Variants in TMC3 observed in about 807,000 individuals in gnomAD.
The protein encoded by TMC3 is transmembrane channel-like protein 3.
TMC3 carries 98 observed loss-of-function variants against 110.6 expected under a neutral mutation model. The ratio of observed to expected loss-of-function variants is 0.89; its 90% CI spans 0.75 to 1.05. The LOEUF is 1.05. Ranked by LOEUF, TMC3 falls within the 50% of genes least tolerant of loss-of-function variation. TMC3 has a pLI of 0.00. For missense variants in TMC3, 1,319 were observed against 1,373.2 expected (o/e 0.96, Z 0.62); for synonymous variants, 489 against 513.1 (o/e 0.95, Z 0.63).
chr15:81,332,488 G>T lies in TMC3; in HGVS notation c.3234C>A (p.Ser1078Arg), dbSNP rs374060694. The T allele has an allele frequency of 3.1e-6, 5 of 1,613,160 alleles. No individual in the cohort carries two copies. Among genetic ancestry groups the T allele is most frequent in the Non-Finnish European group, 4.2e-6 (5 of 1,179,578 alleles). The part of the protein sequence containing the change: ...GRFPRSVGQP[S>R]RRKAKSGQEL... Reference sequence around the variant, plus strand: ...CCTGCCCCGACTTGGCCTTCCTCCTGCTGGGCTGGCCCACGGACCTCGGGA... The same window carrying T: ...CCTGCCCCGACTTGGCCTTCCTCCTTCTGGGCTGGCCCACGGACCTCGGGA... The change falls in exon 22 of 22, where the codon AGC (serine) becomes AGA (arginine). Residue 1078 changes from serine (S) to arginine (R), a missense_variant. Transcript: ENST00000359440.
chr15:81,345,234 G>T (rs1443096018), intron 12 of TMC3, among the ~76,000 whole-genome samples: 2 of 152,082 alleles, frequency 1.3e-5, no homozygotes, highest in African/African-American at 2.4e-5. Context: ...CCCTAGTAAG[G>T]GTCAGAAACT....
At chr15:81,337,422 G>A (rs1215155489) in intron 19 of TMC3, among the ~76,000 whole-genome samples, 1 of 152,162 alleles carries the variant, frequency 6.6e-6, no homozygotes, top group Non-Finnish European at 1.5e-5. Context: ...CACATCTAAA[G>A]GATATGAAAG....
In TMC3 at chr15:81,372,667, T is replaced by C. The variant is rs1567072111; in HGVS notation, c.160A>G (p.Ile54Val). 6.2e-7 allele frequency: 1 copy of C among 1,613,876 alleles called. No individual in the cohort carries two copies. The highest frequency in any genetic ancestry group is 8.5e-7 in the Non-Finnish European group (1 of 1,179,894). Residue 54 changes from isoleucine (I) to valine (V), a missense_variant, in exon 2 of 22, where the codon ATA (isoleucine) becomes GTA (valine). By Grantham distance (29) the Ile-to-Val change is conservative. Transcript: ENST00000359440. ...GCCATGAGATCTTTCTGGAACTGTA[T>C]ATTCTGGAAGATTTGTTCCGGATCA... ...SNDPEQIFQN[I>V]QFQKDLMANI...
chr15:81,364,682 T>TAAAA (rs35537034), intron 3 of TMC3, among the ~76,000 whole-genome samples: 9,028 of 95,020 alleles, frequency 0.095, 312 homozygotes, highest in African/African-American at 0.14. Flanking sequence ...TAAAGTATAA[T>TAAAA]AAAAAAAAAC....
chr15:81,369,769 T>A (rs4304982), intron 2 of TMC3, among the ~76,000 whole-genome samples: 86,800 of 151,522 alleles, frequency 0.57, 26,758 homozygotes, highest in Non-Finnish European at 0.7. Flanking sequence ...ACAAAAATAT[T>A]AAAAAAATTA....
intron 11 of TMC3, among the ~76,000 whole-genome samples, chr15:81,347,748 G>T (rs532809815): frequency 6.6e-6 from 1 of 152,186 alleles, no homozygotes; most frequent in East Asian, 1.9e-4. Context: ...CATGAGTAAC[G>T]AGGCCAATTT....
chr15:81,369,386 A>T lies in TMC3; in HGVS notation c.237-1058T>A, dbSNP rs536793303. Among the ~76,000 whole-genome samples the T allele has an allele frequency of 1.2e-3, 186 of 152,182 alleles. 1 individual carries two copies. Among genetic ancestry groups the T allele is most frequent in the African/African-American group, 4.2e-3 (175 of 41,518 alleles). Reference sequence around the variant, plus strand: ...ATAGCCCAGCCAATGCATTGACTTCATTCTGGCCAGAACCAAAATGTAGGT... The same window carrying T: ...ATAGCCCAGCCAATGCATTGACTTCTTTCTGGCCAGAACCAAAATGTAGGT... On this transcript the variant is annotated intron_variant, in intron 2 of 21. Coordinates refer to ENST00000359440, the MANE Select transcript of TMC3 (RefSeq NM_001080532.3).
chr15:81,337,338 T>C (rs546292451), intron 19 of TMC3, among the ~76,000 whole-genome samples: 2 of 152,094 alleles, frequency 1.3e-5, no homozygotes, highest in Admixed American at 1.3e-4. Flanking sequence ...TGTGGGAGTT[T>C]TGGGAGCGTG....
Position 81,362,218 on chromosome 15 carries a change from A to G in TMC3, c.394+2T>C, listed in dbSNP as rs1894202615. On this transcript the variant is annotated splice_donor_variant, in intron 4 of 21. Transcript: ENST00000359440. LOFTEE classifies it high-confidence loss of function. ...CCCCACTCTCCAGGTGTAAATACTTACTCTCGATTTTCTTTATCCTCATTT... is the reference window on the plus strand; with the variant it reads ...CCCCACTCTCCAGGTGTAAATACTTGCTCTCGATTTTCTTTATCCTCATTT... 6.2e-7 allele frequency: 1 copy of G among 1,604,500 alleles called. No homozygotes were observed. The highest frequency in any genetic ancestry group is 8.5e-7 in the Non-Finnish European group (1 of 1,175,096).
At chr15:81,372,987 C>T (rs1894472512) in intron 1 of TMC3, among the ~76,000 whole-genome samples, 1 of 151,796 alleles carries the variant, frequency 6.6e-6, no homozygotes, top group Admixed American at 6.6e-5. Flanking sequence ...TCCACTGGGT[C>T]ATTAGAAGAT....
intron 3 of TMC3, 109 bp from the exon 4 acceptor site, chr15:81,362,410 T>G: frequency 1.3e-6 from 1 of 773,468 alleles, no homozygotes; most frequent in Non-Finnish European, 2.1e-6. Context: ...CTGGTACCTT[T>G]AATTATGATT....
Position 81,344,942 on chromosome 15 carries a change from G to A in TMC3, c.1342C>T (p.Pro448Ser), listed in dbSNP as rs267604344. 4.3e-6 allele frequency: 7 copies of A among 1,612,768 alleles called. No homozygotes were observed. The highest frequency in any genetic ancestry group is 5.9e-6 in the Non-Finnish European group (7 of 1,179,500). ...GATGTGGACCATTTCTCTTCTTCAG[G>A]GGCTGTCCTGGTTGCAAAGAAGGTG... ...STTFFATRTA[P>S]EEEKWSTSRP... is the part of the protein sequence containing the mutation. The change falls in exon 13 of 22, where the codon CCT becomes TCT. Residue 448 changes from proline to serine, a missense_variant. Pro to Ser is a moderately conservative substitution (Grantham distance 74). Transcript: ENST00000359440.
chr15:81,374,096 A>G lies in TMC3; in HGVS notation c.-19T>C, dbSNP rs578026100. On this transcript the variant is annotated 5_prime_UTR_variant, in exon 1 of 22. Coordinates refer to ENST00000359440, the MANE Select transcript of TMC3 (RefSeq NM_001080532.3). ...TTTTCATGGGAGCTAACCCACTGCT[A>G]ACAATCAGAAGCTGGCCAGAGAGCT... 6.8e-6 allele frequency: 11 copies of G among 1,610,944 alleles called. No homozygotes were observed. In the South Asian group the frequency reaches 1.2e-4, roughly 18 times the overall value.
chr15:81,365,500 A>G (rs1171613287), intron 3 of TMC3, among the ~76,000 whole-genome samples: 2 of 152,056 alleles, frequency 1.3e-5, no homozygotes, highest in Non-Finnish European at 2.9e-5. Context: ...GTGAAACCCC[A>G]TCTCTACTAA....
At chr15:81,339,915 C>T (rs555405271) in intron 16 of TMC3, among the ~76,000 whole-genome samples, 1 of 152,184 alleles carries the variant, frequency 6.6e-6, no homozygotes, top group Admixed American at 6.5e-5. Context: ...TTGTCTCTTA[C>T]GTCTCGGGAT....
rs1264162912 is a variant in TMC3 at position 81,332,502 on chromosome 15, C to T, written c.3220G>A (p.Val1074Met). Residue 1074 changes from valine (V) to methionine (M), a missense_variant, in exon 22 of 22, where the codon GTG becomes ATG. Transcript: ENST00000359440. ...THSQGRFPRS[V>M]GQPSRRKAKS... ...GCCTTCCTCCTGCTGGGCTGGCCCA[C>T]GGACCTCGGGAACCTGCCCTGGCTG... 1.9e-6 allele frequency: 3 copies of T among 1,613,360 alleles called. No homozygotes were observed. Among genetic ancestry groups the T allele is most frequent in the East Asian group, 4.5e-5 (2 of 44,860 alleles).
chr15:81,358,206 GC>G lies in TMC3; in HGVS notation c.685del (p.Ala229ArgfsTer4). On this transcript the variant is annotated frameshift_variant, in exon 7 of 22. Transcript: ENST00000359440. LOFTEE classifies it high-confidence loss of function. Reference sequence around the variant, plus strand: ...CACTGCCATCCCCACTAGGAAATACGCCAAGGGCAGCCGGTAGCCAGCTCTC... The same window carrying G: ...CACTGCCATCCCCACTAGGAAATACGCAAGGGCAGCCGGTAGCCAGCTCTC... ...IGRAGYRLPLAYFLVGMAVFA... is the reference protein window; with the variant it reads ...IGRAGYRLPLXYFLVGMAVFA... The G allele has an allele frequency of 1.2e-6, 2 of 1,613,114 alleles. No homozygotes were observed. Among genetic ancestry groups the G allele is most frequent in the Non-Finnish European group, 1.7e-6 (2 of 1,179,550 alleles).
intron 9 of TMC3, 134 bp from the exon 10 acceptor site, chr15:81,351,975 T>C: frequency 9.7e-7 from 1 of 1,026,374 alleles, no homozygotes; most frequent in Non-Finnish European, 1.4e-6. Flanking sequence ...ATCAATGCAC[T>C]TCCAGCCCAC....
intron 15 of TMC3, chr15:81,342,931 G>A (rs1893745183): frequency 5.0e-6 from 1 of 199,360 alleles, no homozygotes; most frequent in East Asian, 1.2e-4. Flanking sequence ...GACTGGCCAA[G>A]GTCCCCCGCA....
Sources: gnomAD v4.1 joint callset for allele counts (sites outside exome capture counted in the v4.1 genomes callset) on GRCh38, gnomAD v4.1.1 for gene constraint, MANE v1.5 for transcripts, NCBI Gene and HGNC (gene_info 2026-07-23, HGNC 2026-07-21) for gene names.